EFNA5: variants seen among roughly 807,000 people sequenced by gnomAD.
The protein encoded by EFNA5 is ephrin-A5.
EFNA5 carries 5 observed loss-of-function variants against 22.9 expected under a neutral mutation model. That is an observed-to-expected ratio of 0.22 (90% CI 0.11 to 0.46). The LOEUF is 0.46. Among genes scored for constraint, EFNA5 ranks in the 20% least tolerant of loss-of-function variants. EFNA5 has a pLI of 0.99. For missense variants in EFNA5, 237 were observed against 293.3 expected, an observed-to-expected ratio of 0.81 and a Z score of 1.40; for synonymous variants, 113 against 112.2, an observed-to-expected ratio of 1.01 and a Z score of -0.04.
intron 2 of EFNA5, among the ~76,000 whole-genome samples, chr5:107,408,654 G>A (rs916130463): frequency 1.2e-4 from 19 of 152,202 alleles, no homozygotes; most frequent in Admixed American, 7.9e-4. Context: ...ACTTGGTAGC[G>A]TCTGCCTTGT....
intron 1 of EFNA5, among the ~76,000 whole-genome samples, chr5:107,503,410 A>C (rs1207372207): frequency 6.6e-6 from 1 of 152,250 alleles, no homozygotes; most frequent in African/African-American, 2.4e-5. Flanking sequence ...AAGAATCATT[A>C]AGGATTCTGA....
At chr5:107,647,739 A>T (rs1195974472) in intron 1 of EFNA5, among the ~76,000 whole-genome samples, 1 of 152,184 alleles carries the variant, frequency 6.6e-6, no homozygotes, top group African/African-American at 2.4e-5. Flanking sequence ...GATGAGAACA[A>T]GCCTAACCTC....
Position 107,573,360 on chromosome 5 carries a change from G to A in EFNA5, c.125+97129C>T, listed in dbSNP as rs182474922. On this transcript the variant is annotated intron_variant, in intron 1 of 4. Transcript: ENST00000333274. ...AAACCAGGGGGTAAGAAGTGCCAGTGGAATATAGGCCCCAAGGACAAATGC... is the reference window on the plus strand; with the variant it reads ...AAACCAGGGGGTAAGAAGTGCCAGTAGAATATAGGCCCCAAGGACAAATGC... Among the ~76,000 whole-genome samples the A allele has an allele frequency of 1.4e-3, 218 of 151,964 alleles. 2 individuals carry two copies. Among genetic ancestry groups the A allele is most frequent in the Non-Finnish European group, 9.7e-4 (66 of 67,958 alleles).
chr5:107,393,448 C>T (rs1747836605), intron 2 of EFNA5, among the ~76,000 whole-genome samples: 1 of 152,242 alleles, frequency 6.6e-6, no homozygotes, highest in African/African-American at 2.4e-5. Flanking sequence ...CTCTGCCTAA[C>T]CTTATTCAGC....
intron 1 of EFNA5, among the ~76,000 whole-genome samples, chr5:107,632,026 C>T (rs1580570756): frequency 6.6e-6 from 1 of 152,216 alleles, no homozygotes; most frequent in South Asian, 2.1e-4. Flanking sequence ...TTCCAGCCAC[C>T]AGTTGCCCAG....
chr5:107,669,645 G>A (rs985275022), intron 1 of EFNA5, among the ~76,000 whole-genome samples: 1 of 152,132 alleles, frequency 6.6e-6, no homozygotes, highest in African/African-American at 2.4e-5. Context: ...CGCATACCCG[G>A]CGGGCTTCGG....
At chr5:107,556,103 G>C (rs950700945) in intron 1 of EFNA5, among the ~76,000 whole-genome samples, 17 of 152,140 alleles carry the variant, frequency 1.1e-4, no homozygotes, top group Non-Finnish European at 7.3e-5. Context: ...CAACCCCATT[G>C]CCTCTCTTTG....
intron 1 of EFNA5, among the ~76,000 whole-genome samples, chr5:107,563,594 G>C (rs1427968551): frequency 6.6e-6 from 1 of 151,942 alleles, no homozygotes; most frequent in Non-Finnish European, 1.5e-5. Context: ...GAGCCACTAT[G>C]TCTGGCTAAT....
intron 1 of EFNA5, among the ~76,000 whole-genome samples, chr5:107,469,740 T>C (rs1190486244): frequency 6.6e-6 from 1 of 152,102 alleles, no homozygotes; most frequent in South Asian, 2.1e-4. Context: ...GACTGTGCAT[T>C]GTGGCTTAAT....
At position 107,399,469 on chromosome 5, in the gene EFNA5, T is replaced by C. The variant is rs113765193; in HGVS notation, c.419-11698A>G. 1.1e-4 allele frequency among the ~76,000 whole-genome samples: 17 copies of C among 152,148 alleles called. 2 individuals carry two copies. The highest frequency in any genetic ancestry group is 1.0e-3 in the South Asian group (5 of 4,806). ...GTGGGCATCTTTAGATCCAAAGATA[T>C]GTAGAATTTAATCAAATGATAGCTT... On this transcript the variant is annotated intron_variant, in intron 2 of 4. Transcript: ENST00000333274.
intron 1 of EFNA5, among the ~76,000 whole-genome samples, chr5:107,474,208 C>T (rs1750220156): frequency 6.6e-6 from 1 of 152,190 alleles, no homozygotes. Flanking sequence ...CCACATTCTT[C>T]TTACACAGAA....
chr5:107,639,313 T>C (rs978148024), intron 1 of EFNA5, among the ~76,000 whole-genome samples: 3 of 152,174 alleles, frequency 2.0e-5, no homozygotes, highest in Non-Finnish European at 4.4e-5. Flanking sequence ...GCTTAAACAA[T>C]AGTGCTAGCA....
At chr5:107,460,243 A>G (rs1173841965) in intron 1 of EFNA5, among the ~76,000 whole-genome samples, 1 of 152,180 alleles carries the variant, frequency 6.6e-6, no homozygotes, top group African/African-American at 2.4e-5. Context: ...CCATCCTCAT[A>G]TTGATGAGAC....
intron 1 of EFNA5, among the ~76,000 whole-genome samples, chr5:107,649,527 C>T (rs765028945): frequency 5.3e-5 from 8 of 151,948 alleles, no homozygotes; most frequent in Non-Finnish European, 8.8e-5. Flanking sequence ...AATTATGCAC[C>T]ATGCATTTTA....
chr5:107,580,710 A>T (rs1749026996), intron 1 of EFNA5, among the ~76,000 whole-genome samples: 1 of 143,590 alleles, frequency 7.0e-6, no homozygotes, highest in Non-Finnish European at 1.5e-5. Flanking sequence ...CAAAAGAGCA[A>T]GACTCCATCT....
At chr5:107,632,113 T>C (rs752827159) in intron 1 of EFNA5, among the ~76,000 whole-genome samples, 5 of 152,166 alleles carry the variant, frequency 3.3e-5, no homozygotes, top group Admixed American at 1.3e-4. Flanking sequence ...TCTAATTCCT[T>C]CTCATCTCTC....
chr5:107,456,334 A>T (rs1224492719), intron 1 of EFNA5, among the ~76,000 whole-genome samples: 1 of 152,196 alleles, frequency 6.6e-6, no homozygotes, highest in Admixed American at 6.5e-5. Flanking sequence ...AGGAAGAAAA[A>T]AAGTAAGTAA....
chr5:107,598,049 G>A lies in EFNA5; in HGVS notation c.125+72440C>T, dbSNP rs140882043. ...TTGAATAATTTATTCAACCATTTACGATAACTTTAAGAGTCTTCAAAGATA... is the reference window on the plus strand; with the variant it reads ...TTGAATAATTTATTCAACCATTTACAATAACTTTAAGAGTCTTCAAAGATA... On this transcript the variant is annotated intron_variant, in intron 1 of 4. Coordinates refer to ENST00000333274, the MANE Select transcript of EFNA5 (RefSeq NM_001962.3). 6.6e-5 allele frequency among the ~76,000 whole-genome samples: 10 copies of A among 152,180 alleles called. No individual in the cohort carries two copies. The East Asian group carries it at 1.5e-3, about 23-fold the overall frequency.
chr5:107,526,278 GA>G (rs1561422292), intron 1 of EFNA5, among the ~76,000 whole-genome samples: 2 of 152,192 alleles, frequency 1.3e-5, no homozygotes, highest in African/African-American at 4.8e-5. Context: ...GTTTCAACTA[GA>G]AGACTCAAAG....
Sources: gnomAD v4.1 joint callset for allele counts (sites outside exome capture counted in the v4.1 genomes callset) on GRCh38, gnomAD v4.1.1 for gene constraint, MANE v1.5 for transcripts, NCBI Gene and HGNC (gene_info 2026-07-23, HGNC 2026-07-21) for gene names.